NCOA2: variants seen among roughly 807,000 people sequenced by gnomAD.
NCOA2 encodes the protein nuclear receptor coactivator 2.
NCOA2 carries 21 observed loss-of-function variants against 145.1 expected under a neutral mutation model. The ratio of observed to expected loss-of-function variants is 0.14; its 90% CI spans 0.10 to 0.21. NCOA2 has a LOEUF of 0.21. NCOA2 is among the 10% of genes least tolerant of loss of function. The probability of loss-of-function intolerance (pLI) is 1.00; values close to 1 mark genes in which losing one functional copy is unlikely to be tolerated. For missense variants in NCOA2, 1,472 were observed against 1,837.6 expected (o/e 0.80, Z 3.64); for synonymous variants, 619 against 637.5 (o/e 0.97, Z 0.44).
intron 1 of NCOA2, among the ~76,000 whole-genome samples, chr8:70,396,556 A>G (rs1439157118): frequency 6.6e-6 from 1 of 152,270 alleles, no homozygotes; most frequent in Non-Finnish European, 1.5e-5. Flanking sequence ...TAAGCACTCA[A>G]TAAATGTTAA....
At chr8:70,425,830 C>T in the NCOA2 span, among the ~76,000 whole-genome samples, 1 of 152,096 alleles carries the variant, frequency 6.6e-6, no homozygotes, top group Admixed American at 6.5e-5. Flanking sequence ...CTGGTGATGC[C>T]TTTGGTGCTA....
chr8:70,262,506 C>A lies in NCOA2; in HGVS notation c.-20+34238G>T, dbSNP rs374649179. On this transcript the variant is annotated intron_variant, in intron 2 of 22. Transcript: ENST00000452400. ...TTAATTGCAGTTCCTTGAATCATAG[C>A]CCAAATACGAGCTTGGCTGGTACTG... Among the ~76,000 whole-genome samples the A allele has an allele frequency of 3.3e-4, 50 of 152,260 alleles. No homozygotes were observed. The East Asian group carries it at 3.7e-3, about 11-fold the overall frequency.
At chr8:70,204,220 A>G (rs1818211551) in intron 4 of NCOA2, among the ~76,000 whole-genome samples, 1 of 152,002 alleles carries the variant, frequency 6.6e-6, no homozygotes, top group South Asian at 2.1e-4. Flanking sequence ...GTTGGCCAGG[A>G]TAGTCTCGAA....
intron 11 of NCOA2, among the ~76,000 whole-genome samples, chr8:70,150,015 A>AT (rs1463593123): frequency 6.6e-6 from 1 of 152,234 alleles, no homozygotes. Flanking sequence ...ACTTACAGCA[A>AT]ATTTAACATC....
At chr8:70,403,859 T>TCCTCCTCCG, upstream of NCOA2, 1 of 384,184 alleles carries the variant, frequency 2.6e-6, no homozygotes, top group Admixed American at 4.5e-5. Flanking sequence ...CTCCTCCTCC[T>TCCTCCTCCG]CCTCCTCCTC....
the NCOA2 span, among the ~76,000 whole-genome samples, chr8:70,409,811 A>C: frequency 2.0e-5 from 3 of 152,170 alleles, no homozygotes; most frequent in Non-Finnish European, 4.4e-5. Context: ...TTGAGGCTGC[A>C]GTGAGCCATG....
At chr8:70,427,067 G>C in the NCOA2 span, among the ~76,000 whole-genome samples, 2 of 152,152 alleles carry the variant, frequency 1.3e-5, no homozygotes, top group African/African-American at 4.8e-5. Flanking sequence ...TTACAGGTGT[G>C]AGCACAGTAA....
At chr8:70,346,508 GC>G in intron 1 of NCOA2, among the ~76,000 whole-genome samples, 1 of 152,254 alleles carries the variant, frequency 6.6e-6, no homozygotes, top group African/African-American at 2.4e-5. Flanking sequence ...AACTTGAGTT[GC>G]CTGCCTTTTT....
chr8:70,316,702 C>G (rs147087200), intron 1 of NCOA2, among the ~76,000 whole-genome samples: 10 of 152,260 alleles, frequency 6.6e-5, no homozygotes, highest in Non-Finnish European at 1.5e-5. Flanking sequence ...TTACAGTCTT[C>G]CTGAGCCAGT....
Position 70,156,247 on chromosome 8 carries a change from T to C in NCOA2, c.2118A>G (p.Leu706=), listed in dbSNP as rs749398197. 1.2e-6 allele frequency: 2 copies of C among 1,613,870 alleles called. No homozygotes were observed. Among genetic ancestry groups the C allele is most frequent in the African/African-American group, 2.7e-5 (2 of 74,926 alleles). Residue 706 remains leucine, a synonymous_variant, in exon 11 of 23, where the codon TTA becomes TTG. Coordinates refer to ENST00000452400, the MANE Select transcript of NCOA2 (RefSeq NM_006540.4). ...GGTCTTTGCCTGTGGCTTCTGCTGT[T>C]AACTTGGCCAAGTCCACAGGGGAAC... The part of the protein sequence containing the change: ...DSSSPVDLAK[L]TAEATGKDLS...
intron 16 of NCOA2, among the ~76,000 whole-genome samples, chr8:70,131,110 G>T (rs1809043271): frequency 6.6e-6 from 1 of 152,042 alleles, no homozygotes; most frequent in Non-Finnish European, 1.5e-5. Context: ...CAAAATTATG[G>T]TGGGCTAAAC....
chr8:70,276,906 C>T (rs1314056168), intron 2 of NCOA2, among the ~76,000 whole-genome samples: 1 of 152,188 alleles, frequency 6.6e-6, no homozygotes, highest in African/African-American at 2.4e-5. Context: ...TCATTCTTTA[C>T]TAGCCACTTT....
rs543597976 is a variant in NCOA2, at chr8:70,387,559, A to C, written c.-77+16141T>G. 2.0e-5 allele frequency among the ~76,000 whole-genome samples: 3 copies of C among 152,296 alleles called. No individual in the cohort carries two copies. The South Asian group carries it at 6.2e-4, about 32-fold the overall frequency. On this transcript the variant is annotated intron_variant, in intron 1 of 22. Transcript: ENST00000452400. ...TGTGACAGACAGATGGTGGCTCCCA[A>C]CACGACTGCAATCTCTTATCCCACA...
In NCOA2 at chr8:70,178,447, A is replaced by G. The variant is rs147769794; in HGVS notation, c.260-3588T>C. Among the ~76,000 whole-genome samples, 16 of 152,350 alleles carry G rather than the reference A, an allele frequency of 1.1e-4. No homozygotes were observed. The East Asian group carries it at 3.1e-3, about 29-fold the overall frequency. On this transcript the variant is annotated intron_variant, in intron 4 of 22. Coordinates refer to ENST00000452400, the MANE Select transcript of NCOA2 (RefSeq NM_006540.4). ...CAACTGATAAATATTTAAGAGGAAGAAAGCAGTAGCTAACACCAGTAATGG... is the reference window on the plus strand; with the variant it reads ...CAACTGATAAATATTTAAGAGGAAGGAAGCAGTAGCTAACACCAGTAATGG...
At chr8:70,340,666 T>G (rs1324264826) in intron 1 of NCOA2, among the ~76,000 whole-genome samples, 1 of 152,190 alleles carries the variant, frequency 6.6e-6, no homozygotes, top group African/African-American at 2.4e-5. Flanking sequence ...GCAGCACTAT[T>G]CACAATAGCA....
At chr8:70,207,578 T>C (rs1043604632) in intron 4 of NCOA2, among the ~76,000 whole-genome samples, 1 of 151,622 alleles carries the variant, frequency 6.6e-6, no homozygotes, top group Non-Finnish European at 1.5e-5. Flanking sequence ...AAAACTGCAG[T>C]ATTGGTGGGG....
At chr8:70,372,546 G>T (rs957298471) in intron 1 of NCOA2, among the ~76,000 whole-genome samples, 3 of 152,170 alleles carry the variant, frequency 2.0e-5, no homozygotes, top group Non-Finnish European at 2.9e-5. Flanking sequence ...GTCATATTGT[G>T]TGGCTAGGAA....
intron 1 of NCOA2, among the ~76,000 whole-genome samples, chr8:70,375,551 G>GTA (rs1417657154): frequency 2.0e-5 from 3 of 152,152 alleles, no homozygotes; most frequent in Admixed American, 6.5e-5. Context: ...GAAAAAGGCT[G>GTA]TATTTCAACA....
At chr8:70,259,662 T>C (rs1217528155) in intron 2 of NCOA2, among the ~76,000 whole-genome samples, 2 of 152,186 alleles carry the variant, frequency 1.3e-5, no homozygotes, top group African/African-American at 4.8e-5. Context: ...ATGATTTAAA[T>C]ATATAAAACT....
Sources: allele counts gnomAD v4.1 joint callset (sites outside exome capture counted in the v4.1 genomes callset), GRCh38; gene constraint gnomAD v4.1.1; transcripts MANE v1.5; gene names NCBI Gene and HGNC (gene_info 2026-07-23, HGNC 2026-07-21).